NLRP14: variants seen among roughly 807,000 people sequenced by gnomAD.
The protein encoded by NLRP14 is NLR family pyrin domain containing 14.
In NLRP14, 105 loss-of-function variants were observed where a neutral mutation model predicts 94.7. The ratio of observed to expected loss-of-function variants is 1.11; its 90% CI spans 0.95 to 1.30. The LOEUF (loss-of-function observed/expected upper bound fraction) is 1.30. Among genes scored for constraint, NLRP14 ranks in the 50% most tolerant of loss-of-function variants. The pLI is 0.00. For missense variants in NLRP14, 1,362 were observed against 1,254.1 expected (o/e 1.09, Z -1.30); for synonymous variants, 508 against 459.9 (o/e 1.10, Z -1.34).
chr11:7,079,890 T>A, the NLRP14 span, among the ~76,000 whole-genome samples: 1 of 152,150 alleles, frequency 6.6e-6, no homozygotes, highest in Non-Finnish European at 1.5e-5. Context: ...AGTGCAGGAA[T>A]GCGGTTACAC....
chr11:7,089,273 C>T, the NLRP14 span: 6 of 1,608,896 alleles, frequency 3.7e-6, no homozygotes, highest in African/African-American at 2.7e-5. Flanking sequence ...CGAGGGGCTT[C>T]GCGTTCGTCA....
chr11:7,052,903 T>G (rs1852462130), intron 6 of NLRP14, among the ~76,000 whole-genome samples: 1 of 152,186 alleles, frequency 6.6e-6, no homozygotes, highest in African/African-American at 2.4e-5. Flanking sequence ...TTCTGCCACC[T>G]GGGAAGACTA....
Position 7,042,507 on chromosome 11 carries a change from C to T in NLRP14, c.481C>T (p.Leu161=). Reference sequence around the variant, plus strand: ...TGGAATTGCAGAGAAAGATAGAAAACTGTTGGAACACTTGTTCGATGTGGA... The same window carrying T: ...TGGAATTGCAGAGAAAGATAGAAAATTGTTGGAACACTTGTTCGATGTGGA... ...HHGIAEKDRK[L]LEHLFDVDVK... Residue 161 remains leucine, a synonymous_variant, in exon 4 of 12, where the codon CTG becomes TTG. Transcript: ENST00000299481. The T allele has an allele frequency of 6.2e-7, 1 of 1,614,142 alleles. No individual in the cohort carries two copies. Among genetic ancestry groups the T allele is most frequent in the South Asian group, 1.1e-5 (1 of 91,084 alleles).
At chr11:7,047,754 CTTTCT>C (rs1212989418) in intron 5 of NLRP14, among the ~76,000 whole-genome samples, 3 of 120,794 alleles carry the variant, frequency 2.5e-5, no homozygotes, top group African/African-American at 6.2e-5. Context: ...TCTTCTTTCT[CTTTCT>C]TTTCTTTTCT....
At position 7,044,369 on chromosome 11, in the gene NLRP14, C is replaced by T. The variant is rs1027275498; in HGVS notation, c.1958+385C>T. Among the ~76,000 whole-genome samples the T allele has an allele frequency of 2.7e-4, 41 of 152,088 alleles. 1 individual carries two copies. The highest frequency in any genetic ancestry group is 9.4e-4 in the African/African-American group (39 of 41,384). On this transcript the variant is annotated intron_variant, in intron 4 of 11. Coordinates refer to ENST00000299481, the MANE Select transcript of NLRP14 (RefSeq NM_176822.4). Reference sequence around the variant, plus strand: ...TTTGATTTCTAAAGATAATGTCATCCAGAATAAGGGACCAGAAATTTTCTG... The same window carrying T: ...TTTGATTTCTAAAGATAATGTCATCTAGAATAAGGGACCAGAAATTTTCTG...
the NLRP14 span, among the ~76,000 whole-genome samples, chr11:7,084,792 T>A: frequency 6.6e-6 from 1 of 152,224 alleles, no homozygotes; most frequent in Non-Finnish European, 1.5e-5. Flanking sequence ...AGGAGAGGGT[T>A]GTGGGAATCC....
intron 10 of NLRP14, among the ~76,000 whole-genome samples, chr11:7,068,167 A>C (rs926863199): frequency 1.3e-5 from 2 of 151,840 alleles, no homozygotes; most frequent in East Asian, 3.9e-4. Context: ...TTTATTTTTT[A>C]TTCAAAGAAC....
rs2119553245 is a variant in NLRP14 at position 7,027,041 on chromosome 11, G to C, written c.-22+6271G>C. On this transcript the variant is annotated intron_variant, in intron 1 of 11. Transcript: ENST00000299481. The stretch of plus-strand genomic sequence containing the variant: ...ACACAATGCATTCACACACCTACCT[G>C]CATCAGTGCCCCTTTTTAGCTAGAA... Among the ~76,000 whole-genome samples the C allele has an allele frequency of 2.6e-5, 4 of 152,024 alleles. No individual in the cohort carries two copies. In the South Asian group the frequency reaches 8.3e-4, roughly 32 times the overall value.
intron 8 of NLRP14, among the ~76,000 whole-genome samples, chr11:7,059,222 C>A (rs1003591239): frequency 2.7e-5 from 4 of 149,782 alleles, no homozygotes; most frequent in Non-Finnish European, 5.9e-5. Context: ...TTATATATTA[C>A]AAATAATTTT....
intron 4 of NLRP14, among the ~76,000 whole-genome samples, chr11:7,045,184 T>C (rs1020245133): frequency 5.9e-5 from 9 of 152,230 alleles, no homozygotes; most frequent in African/African-American, 1.9e-4. Flanking sequence ...TTGTGGGCCC[T>C]GATGCTATGA....
chr11:7,029,679 A>C (rs1312777875), intron 1 of NLRP14, among the ~76,000 whole-genome samples: 1 of 152,256 alleles, frequency 6.6e-6, no homozygotes, highest in Non-Finnish European at 1.5e-5. Context: ...TTTCAAAACC[A>C]AACCTAGAAT....
In NLRP14 at chr11:7,043,259, A is replaced by G; in HGVS notation, c.1233A>G (p.Val411=). The change falls in exon 4 of 12, where the codon GTA becomes GTG. Residue 411 remains valine (V), a synonymous_variant. Coordinates refer to ENST00000299481, the MANE Select transcript of NLRP14 (RefSeq NM_176822.4). ...ATATTTCTAGCTTGTTCACACCAGT[A>G]GATGGAGGCTCTCCTAGTCTACCCA... ...TCYISSLFTP[V]DGGSPSLPNQ... 1.9e-6 allele frequency: 3 copies of G among 1,614,200 alleles called. No homozygotes were observed. The highest frequency in any genetic ancestry group is 2.5e-6 in the Non-Finnish European group (3 of 1,180,030).
intron 10 of NLRP14, among the ~76,000 whole-genome samples, chr11:7,069,181 A>C (rs866302388): frequency 6.6e-6 from 1 of 152,152 alleles, no homozygotes; most frequent in African/African-American, 2.4e-5. Context: ...TCATGATAAC[A>C]CTTTGTTTTA....
At chr11:7,036,268 CAT>C (rs1852158173) in intron 1 of NLRP14, among the ~76,000 whole-genome samples, 1 of 152,174 alleles carries the variant, frequency 6.6e-6, no homozygotes, top group African/African-American at 2.4e-5. Flanking sequence ...CAGTGCCAAA[CAT>C]GTGTTCCTCT....
chr11:7,088,866 A>C, the NLRP14 span, among the ~76,000 whole-genome samples: 1 of 152,232 alleles, frequency 6.6e-6, no homozygotes, highest in Non-Finnish European at 1.5e-5. Flanking sequence ...TCAGGTGAAC[A>C]GGAAGTTAAA....
chr11:7,062,984 T>C (rs1259441934), intron 10 of NLRP14, among the ~76,000 whole-genome samples: 1 of 152,140 alleles, frequency 6.6e-6, no homozygotes, highest in African/African-American at 2.4e-5. Context: ...TTTTCACTTA[T>C]ACAACATGAA....
At chr11:7,030,889 G>T (rs1034892553) in intron 1 of NLRP14, among the ~76,000 whole-genome samples, 39 of 152,330 alleles carry the variant, frequency 2.6e-4, no homozygotes, top group African/African-American at 9.4e-4. Context: ...TTTGCTGAGC[G>T]CAGGGGATCC....
chr11:7,074,959 G>C (rs1852856336), downstream of NLRP14, among the ~76,000 whole-genome samples: 1 of 152,220 alleles, frequency 6.6e-6, no homozygotes, highest in South Asian at 2.1e-4. Context: ...AGGAGTGAAG[G>C]AATAATTAAT....
At chr11:7,059,025 C>T (rs867805989) in intron 8 of NLRP14, among the ~76,000 whole-genome samples, 2 of 152,010 alleles carry the variant, frequency 1.3e-5, no homozygotes, top group Middle Eastern at 3.4e-3. Flanking sequence ...TGGACATCTA[C>T]AATCTTTTTG....
Sources: allele counts gnomAD v4.1 joint callset (sites outside exome capture counted in the v4.1 genomes callset), GRCh38; gene constraint gnomAD v4.1.1; transcripts MANE v1.5; gene names NCBI Gene and HGNC (gene_info 2026-07-23, HGNC 2026-07-21).